CD300LG: variants seen among roughly 807,000 people sequenced by gnomAD.
CD300LG encodes CD300 molecule like family member g.
A neutral mutation model predicts 31.5 loss-of-function variants in CD300LG; 29 were observed. That is an observed-to-expected ratio of 0.92 (90% confidence interval 0.68 to 1.25). The LOEUF is 1.25. Ranked by LOEUF, CD300LG falls within the 50% of genes most tolerant of loss-of-function variation. The probability of loss-of-function intolerance (pLI) is 0.00; values close to 1 mark genes in which losing one functional copy is unlikely to be tolerated. For synonymous variants in CD300LG, 175 were observed against 177.2 expected, an observed-to-expected ratio of 0.99 and a Z score of 0.10; for missense variants, 396 against 417.6, an observed-to-expected ratio of 0.95 and a Z score of 0.45.
chr17:43,860,166 A>T (rs2046623093), intron 6 of CD300LG, among the ~76,000 whole-genome samples: 1 of 152,180 alleles, frequency 6.6e-6, no homozygotes, highest in Non-Finnish European at 1.5e-5. Context: ...GGAATGTGTC[A>T]CACACCCTGC....
In CD300LG at chr17:43,861,832, C is replaced by T. The variant is rs202083479; in HGVS notation, c.920C>T (p.Pro307Leu). ...GAAAAGGAAGCCCCTTCCCAGGCCC[C>T]TGAGGGGGACGTGATCTCGATGCCT... ...AEEKEAPSQA[P>L]EGDVISMPPL... Residue 307 changes from proline to leucine, a missense_variant, in exon 7 of 7, where the codon CCT becomes CTT. Pro to Leu is a moderately conservative substitution (Grantham distance 98). Transcript: ENST00000317310. 13 of 1,612,146 alleles carry T rather than the reference C, an allele frequency of 8.1e-6. No homozygotes were observed. The highest frequency in any genetic ancestry group is 1.1e-5 in the Non-Finnish European group (13 of 1,179,284).
rs2046431521 is a variant in CD300LG at position 43,853,855 on chromosome 17, C to T, written c.530C>T (p.Thr177Ile). Reference protein sequence around the residue: ...PAATTAKQGKTGAEAPPLPGT... With the variant: ...PAATTAKQGKIGAEAPPLPGT... Reference sequence around the variant, plus strand: ...GCCACCACAGCCAAGCAGGGGAAGACAGGGGCTGAGGCCCCTCCATTGCCA... The same window carrying T: ...GCCACCACAGCCAAGCAGGGGAAGATAGGGGCTGAGGCCCCTCCATTGCCA... Residue 177 changes from threonine (T) to isoleucine (I), a missense_variant, in exon 4 of 7, where the codon ACA (threonine) becomes ATA (isoleucine). Thr to Ile is a moderately conservative substitution (Grantham distance 89, BLOSUM62 -1). Coordinates refer to ENST00000317310, the MANE Select transcript of CD300LG (RefSeq NM_145273.4). 1 of 1,614,000 alleles carries T rather than the reference C, an allele frequency of 6.2e-7. No homozygotes were observed. The highest frequency in any genetic ancestry group is 1.3e-5 in the African/African-American group (1 of 74,902).
At chr17:43,860,788 T>G (rs2046636871) in intron 6 of CD300LG, among the ~76,000 whole-genome samples, 1 of 152,240 alleles carries the variant, frequency 6.6e-6, no homozygotes, top group Non-Finnish European at 1.5e-5. Flanking sequence ...TCTTTCTGCT[T>G]TAAAGGATAG....
intron 6 of CD300LG, chr17:43,858,262 G>A: frequency 9.5e-7 from 1 of 1,047,852 alleles, no homozygotes; most frequent in Non-Finnish European, 1.2e-6. Flanking sequence ...AAAGGTAGCA[G>A]AGGAGAGTAA....
intron 6 of CD300LG, chr17:43,857,831 C>G: frequency 6.5e-7 from 1 of 1,537,256 alleles, no homozygotes; most frequent in African/African-American, 1.4e-5. Context: ...GGCTCTGAGA[C>G]CAAGGTGGTG....
At chr17:43,857,969 C>A in intron 6 of CD300LG, 1 of 1,514,116 alleles carries the variant, frequency 6.6e-7, no homozygotes, top group East Asian at 2.5e-5. Flanking sequence ...AGAGACTGTG[C>A]CCTCCGAGGC....
In CD300LG at chr17:43,862,434, A is replaced by C. The variant is rs1389305419; in HGVS notation, c.*523A>C. 1 of 152,082 alleles carries C rather than the reference A, an allele frequency of 6.6e-6. No homozygotes were observed. Among genetic ancestry groups the C allele is most frequent in the African/African-American group, 2.4e-5 (1 of 41,390 alleles). 9.4% of individuals were successfully genotyped at this position (152,082 alleles called of 1,614,324 possible). ...ACCACCTGCATCCCAGCCCTTCAGGAAGCCTGTGAAAAACGTGATTCCTGG... is the reference window on the plus strand; with the variant it reads ...ACCACCTGCATCCCAGCCCTTCAGGCAGCCTGTGAAAAACGTGATTCCTGG... On this transcript the variant is annotated 3_prime_UTR_variant, in exon 7 of 7. Coordinates refer to ENST00000317310, the MANE Select transcript of CD300LG (RefSeq NM_145273.4).
chr17:43,857,689 G>A, intron 6 of CD300LG: 5 of 1,292,832 alleles, frequency 3.9e-6, no homozygotes, highest in Non-Finnish European at 5.4e-6. Context: ...TGAGACTGAG[G>A]CCCAGAGAGG....
chr17:43,847,411 G>T (rs2046215453), intron 1 of CD300LG, 152 bp downstream of exon 1: 1 of 747,932 alleles, frequency 1.3e-6, no homozygotes, highest in Non-Finnish European at 2.0e-6. Flanking sequence ...GGGGGGAGGT[G>T]GGGGTGGCGC....
intron 6 of CD300LG, chr17:43,857,918 G>T: frequency 6.5e-7 from 1 of 1,535,448 alleles, no homozygotes; most frequent in Non-Finnish European, 8.7e-7. Context: ...TGTGCCCATT[G>T]TCTGGAGCTG....
Position 43,852,957 on chromosome 17 carries a change from C to T in CD300LG, c.425C>T (p.Ala142Val). 6.2e-7 allele frequency: 1 copy of T among 1,613,054 alleles called. No homozygotes were observed. The highest frequency in any genetic ancestry group is 8.5e-7 in the Non-Finnish European group (1 of 1,179,524). ...PSPSPTFQPL[A>V]TTRLQPKAKA... ...CCTTCTCCCACCTTCCAGCCTCTGG[C>T]TACAACACGCCTGCAGCCCAAGGCA... Residue 142 changes from alanine (A) to valine (V), a missense_variant, in exon 3 of 7, where the codon GCT (alanine) becomes GTT (valine). Transcript: ENST00000317310.
In CD300LG at chr17:43,851,156, AG is replaced by A. The variant is rs1469423862; in HGVS notation, c.380-1755del. ...CTCAAAAAAAAAAAAAAAAAAAAAA[AG>A]AAGAAGAAGTATAAATGTTGGAAAG... On this transcript the variant is annotated intron_variant, in intron 2 of 6. Transcript: ENST00000317310. Among the ~76,000 whole-genome samples the A allele has an allele frequency of 6.2e-3, 702 of 112,708 alleles. 26 individuals carry two copies. The highest frequency in any genetic ancestry group is 0.02 in the African/African-American group (566 of 27,746). The allele number at this position is 112,708 out of a possible 152,430, so 73.9% of individuals were successfully genotyped here. A position where few individuals can be genotyped will look rare whatever the true frequency, so the allele number is the denominator to read the frequency against.
At chr17:43,858,083 C>T (rs2046576672) in intron 6 of CD300LG, 1 of 1,405,506 alleles carries the variant, frequency 7.1e-7, no homozygotes, top group Non-Finnish European at 9.2e-7. Context: ...CACTCCATTC[C>T]TTTAAACACA....
At chr17:43,854,536 G>T (rs73985462) in intron 4 of CD300LG, among the ~76,000 whole-genome samples, 1 of 152,112 alleles carries the variant, frequency 6.6e-6, no homozygotes, top group South Asian at 2.1e-4. Context: ...CAATGGGGGC[G>T]GGGATCCGTT....
At position 43,855,241 on chromosome 17, in the gene CD300LG, G is replaced by T; in HGVS notation, c.754G>T (p.Val252Phe). 1 of 1,610,470 alleles carries T rather than the reference G, an allele frequency of 6.2e-7. No homozygotes were observed. Among genetic ancestry groups the T allele is most frequent in the Non-Finnish European group, 8.5e-7 (1 of 1,178,946 alleles). ...SIPMVRILAPVLVLLSLLSAA... is the reference protein window; with the variant it reads ...SIPMVRILAPFLVLLSLLSAA... ...CCCGATGGTCCGCATACTGGCCCCA[G>T]TCCTGGTGCTGCTGAGCCTTCTGTC... Residue 252 changes from valine (V) to phenylalanine (F), a missense_variant, in exon 5 of 7, where the codon GTC becomes TTC. Transcript: ENST00000317310.
At chr17:43,853,497 G>C (rs2046419542) in intron 3 of CD300LG, among the ~76,000 whole-genome samples, 1 of 152,190 alleles carries the variant, frequency 6.6e-6, no homozygotes, top group Non-Finnish European at 1.5e-5. Context: ...GGTGTCCACT[G>C]AATGGTCACT....
intron 6 of CD300LG, chr17:43,858,724 T>C (rs1210448879): frequency 5.1e-6 from 5 of 984,644 alleles, no homozygotes; most frequent in Non-Finnish European, 6.0e-6. Context: ...AGTCTGGAGA[T>C]GGAATTGAAG....
intron 6 of CD300LG, among the ~76,000 whole-genome samples, chr17:43,860,197 G>A (rs2046623937): frequency 6.6e-6 from 1 of 152,198 alleles, no homozygotes; most frequent in South Asian, 2.1e-4. Context: ...GCAGGGTATA[G>A]GGAAAGAGCT....
chr17:43,859,321 T>G (rs1055298358), intron 6 of CD300LG, among the ~76,000 whole-genome samples: 31 of 152,332 alleles, frequency 2.0e-4, no homozygotes, highest in African/African-American at 7.2e-4. Context: ...TCTTTCTTTA[T>G]TAGGTTTATT....
Sources: gnomAD v4.1 joint callset for allele counts (sites outside exome capture counted in the v4.1 genomes callset) on GRCh38, gnomAD v4.1.1 for gene constraint, MANE v1.5 for transcripts, NCBI Gene and HGNC (gene_info 2026-07-23, HGNC 2026-07-21) for gene names.